The following PTPRD variants were observed in gnomAD, a reference collection of about 807,000 sequenced individuals.
PTPRD encodes receptor-type tyrosine-protein phosphatase delta.
Under a neutral mutation model 214.5 loss-of-function variants are expected in PTPRD, and 34 were observed. The ratio of observed to expected loss-of-function variants is 0.16; its 90% CI spans 0.12 to 0.21. The LOEUF (loss-of-function observed/expected upper bound fraction) is 0.21. Ranked by LOEUF, PTPRD falls within the 10% of genes least tolerant of loss-of-function variation. The probability of loss-of-function intolerance (pLI) is 1.00; values close to 1 mark genes in which losing one functional copy is unlikely to be tolerated. For missense variants in PTPRD, 2,545 were observed against 2,398.7 expected, an observed-to-expected ratio of 1.06 and a Z score of -1.27; for synonymous variants, 1,128 against 845.7, an observed-to-expected ratio of 1.33 and a Z score of -5.79.
At chr9:9,805,715 A>T (rs2099068831) in intron 5 of PTPRD, among the ~76,000 whole-genome samples, 1 of 152,164 alleles carries the variant, frequency 6.6e-6, no homozygotes, top group African/African-American at 2.4e-5. Flanking sequence ...AATTTGGTTG[A>T]AATGGTACCT....
At chr9:9,477,521 T>C (rs2095147932) in intron 8 of PTPRD, among the ~76,000 whole-genome samples, 1 of 152,208 alleles carries the variant, frequency 6.6e-6, no homozygotes, top group Non-Finnish European at 1.5e-5. Context: ...ATTATTCATT[T>C]CCACACATTA....
chr9:8,341,475 G>C (rs933145293), intron 40 of PTPRD, among the ~76,000 whole-genome samples: 2 of 152,014 alleles, frequency 1.3e-5, no homozygotes, highest in African/African-American at 4.8e-5. Context: ...TGAAAGTATA[G>C]TCTCTCAAGT....
chr9:8,740,982 GA>G (rs1470614940), intron 11 of PTPRD, among the ~76,000 whole-genome samples: 1 of 151,404 alleles, frequency 6.6e-6, no homozygotes, highest in Non-Finnish European at 1.5e-5. Flanking sequence ...AATACACAGA[GA>G]AAAAAAAGTC....
At chr9:9,922,529 G>C (rs1400221916) in intron 5 of PTPRD, among the ~76,000 whole-genome samples, 1 of 151,902 alleles carries the variant, frequency 6.6e-6, no homozygotes, top group African/African-American at 2.4e-5. Context: ...GAGTAGTTGA[G>C]ACCTACAGTA....
intron 11 of PTPRD, among the ~76,000 whole-genome samples, chr9:8,968,525 A>C (rs1244788626): frequency 2.0e-5 from 3 of 151,846 alleles, no homozygotes; most frequent in African/African-American, 4.8e-5. Context: ...GCATTTTTTC[A>C]TGTGTCAGGC....
chr9:10,578,515 A>G (rs1348201441), intron 2 of PTPRD, among the ~76,000 whole-genome samples: 3 of 152,182 alleles, frequency 2.0e-5, no homozygotes, highest in Non-Finnish European at 4.4e-5. Context: ...AAAAGGTCCA[A>G]TAGAAACTGT....
intron 3 of PTPRD, among the ~76,000 whole-genome samples, chr9:10,281,142 TTC>T (rs1346421313): frequency 6.6e-6 from 1 of 152,182 alleles, no homozygotes; most frequent in Non-Finnish European, 1.5e-5. Flanking sequence ...TAAGTGAATA[TTC>T]TAATGAGTAA....
intron 9 of PTPRD, among the ~76,000 whole-genome samples, chr9:9,230,334 A>T (rs2099962320): frequency 6.6e-6 from 1 of 152,120 alleles, no homozygotes; most frequent in Admixed American, 6.6e-5. Flanking sequence ...GCTGGTGAAC[A>T]TATCAAAATG....
chr9:9,243,002 C>T (rs201394348), intron 9 of PTPRD, among the ~76,000 whole-genome samples: 237 of 152,112 alleles, frequency 1.6e-3, no homozygotes, highest in South Asian at 7.9e-3. Flanking sequence ...ATGATGGTGA[C>T]GTACAGATGG....
chr9:8,796,069 A>C (rs1004934242), intron 11 of PTPRD, among the ~76,000 whole-genome samples: 11 of 152,318 alleles, frequency 7.2e-5, no homozygotes, highest in African/African-American at 2.4e-4. Context: ...AAAACGTATG[A>C]AGTTAAGCCT....
rs577496222 is a variant in PTPRD, at chr9:10,414,809, C to T, written c.-599-73792G>A. On this transcript the variant is annotated intron_variant, in intron 2 of 45. Coordinates refer to ENST00000381196, the MANE Select transcript of PTPRD (RefSeq NM_002839.4). ...GTGGAAACATGGATGGAACGGAATG[C>T]CATTATCCTCAGCAAACTAATGCAG... 2.0e-4 allele frequency among the ~76,000 whole-genome samples: 31 copies of T among 151,852 alleles called. No homozygotes were observed. The South Asian group carries it at 6.4e-3, about 32-fold the overall frequency.
intron 35 of PTPRD, among the ~76,000 whole-genome samples, chr9:8,432,721 A>T (rs984352499): frequency 1.3e-5 from 2 of 152,236 alleles, no homozygotes; most frequent in Admixed American, 6.5e-5. Flanking sequence ...CTAAATTTTT[A>T]TGTTGAGGTC....
chr9:9,000,814 C>G (rs1000709667), intron 11 of PTPRD, among the ~76,000 whole-genome samples: 2 of 151,852 alleles, frequency 1.3e-5, no homozygotes, highest in Non-Finnish European at 2.9e-5. Flanking sequence ...CCTGAAGAGA[C>G]CCTCTATAAC....
chr9:8,692,138 A>G (rs1375766632), intron 12 of PTPRD, among the ~76,000 whole-genome samples: 1 of 152,218 alleles, frequency 6.6e-6, no homozygotes, highest in Non-Finnish European at 1.5e-5. Flanking sequence ...AAAGATTTTC[A>G]CTTACATAGA....
intron 5 of PTPRD, among the ~76,000 whole-genome samples, chr9:9,926,320 A>G (rs921107925): frequency 6.6e-6 from 1 of 152,178 alleles, no homozygotes; most frequent in African/African-American, 2.4e-5. Flanking sequence ...TAAAACAGGA[A>G]AAATAGTGGA....
intron 3 of PTPRD, among the ~76,000 whole-genome samples, chr9:10,135,098 T>C (rs2098932321): frequency 6.6e-6 from 1 of 152,112 alleles, no homozygotes; most frequent in Non-Finnish European, 1.5e-5. Context: ...GAATTAATAA[T>C]GGAATAGACC....
intron 30 of PTPRD, among the ~76,000 whole-genome samples, chr9:8,481,619 C>T (rs565098004): frequency 2.0e-5 from 3 of 152,060 alleles, no homozygotes; most frequent in Non-Finnish European, 4.4e-5. Flanking sequence ...TTCTAATAAT[C>T]CCTCTCTGTG....
intron 8 of PTPRD, among the ~76,000 whole-genome samples, chr9:9,442,968 C>T (rs1569568366): frequency 6.6e-6 from 1 of 152,056 alleles, no homozygotes; most frequent in African/African-American, 2.4e-5. Context: ...TATGCACGTA[C>T]ATATATATGT....
intron 11 of PTPRD, among the ~76,000 whole-genome samples, chr9:8,882,377 T>C (rs1240925696): frequency 1.3e-5 from 2 of 152,206 alleles, no homozygotes; most frequent in East Asian, 1.9e-4. Flanking sequence ...AAGTAATTTG[T>C]TGTAGACCAC....
Sources: gnomAD v4.1 joint callset for allele counts (sites outside exome capture counted in the v4.1 genomes callset) on GRCh38, gnomAD v4.1.1 for gene constraint, MANE v1.5 for transcripts, NCBI Gene and HGNC (gene_info 2026-07-23, HGNC 2026-07-21) for gene names.